Variants in NCKAP5 observed in about 807,000 individuals in gnomAD.
NCKAP5 encodes NCK associated protein 5, also known as nck-associated protein 5.
NCKAP5 carries 92 observed loss-of-function variants against 167.0 expected under a neutral mutation model. The ratio of observed to expected loss-of-function variants is 0.55; its 90% CI spans 0.47 to 0.66. The LOEUF is 0.66. Ranked by LOEUF, NCKAP5 falls within the 30% of genes least tolerant of loss-of-function variation. NCKAP5 has a pLI of 0.00. For missense variants in NCKAP5, 2,378 were observed against 2,315.0 expected (o/e 1.03, Z -0.56); for synonymous variants, 891 against 877.4 (o/e 1.02, Z -0.27).
At chr2:132,753,453 A>G (rs1680281330) in intron 16 of NCKAP5, among the ~76,000 whole-genome samples, 1 of 152,216 alleles carries the variant, frequency 6.6e-6, no homozygotes, top group African/African-American at 2.4e-5. Flanking sequence ...ACAATTCTAA[A>G]TCCATTTCCC....
At chr2:133,173,267 A>G (rs1410393770) in intron 5 of NCKAP5, among the ~76,000 whole-genome samples, 2 of 152,170 alleles carry the variant, frequency 1.3e-5, no homozygotes, top group Non-Finnish European at 2.9e-5. Flanking sequence ...AAAGAGGTAG[A>G]TTTCAACTCT....
intron 3 of NCKAP5, among the ~76,000 whole-genome samples, chr2:133,359,328 C>T (rs1684942595): frequency 6.6e-6 from 1 of 152,220 alleles, no homozygotes; most frequent in Non-Finnish European, 1.5e-5. Flanking sequence ...ACCTACCCCA[C>T]ATCCGTCTTA....
chr2:132,852,068 C>T (rs925404304), intron 11 of NCKAP5, among the ~76,000 whole-genome samples: 2 of 152,166 alleles, frequency 1.3e-5, no homozygotes, highest in African/African-American at 4.8e-5. Context: ...ATCACCATTC[C>T]TTTCTCAGTA....
At chr2:132,848,432 A>G (rs1310176962) in intron 11 of NCKAP5, among the ~76,000 whole-genome samples, 1 of 152,198 alleles carries the variant, frequency 6.6e-6, no homozygotes. Context: ...CGTTAATTCA[A>G]GGATCTCAAT....
At chr2:133,386,305 A>T (rs1686960722) in intron 3 of NCKAP5, among the ~76,000 whole-genome samples, 1 of 152,136 alleles carries the variant, frequency 6.6e-6, no homozygotes, top group Non-Finnish European at 1.5e-5. Flanking sequence ...TTCATTACGT[A>T]CCCAGTAATT....
At chr2:132,822,642 A>G (rs1686833111) in intron 11 of NCKAP5, among the ~76,000 whole-genome samples, 1 of 152,186 alleles carries the variant, frequency 6.6e-6, no homozygotes. Context: ...TAATATGACA[A>G]AACAGGGTTC....
At chr2:132,964,016 T>C in intron 7 of NCKAP5, 147 bp from the exon 8 acceptor site, 1 of 909,808 alleles carries the variant, frequency 1.1e-6, no homozygotes, top group Non-Finnish European at 1.7e-6. Flanking sequence ...GGGGTTTATT[T>C]TAAAAAATGA....
chr2:133,196,220 G>A (rs2085430731), intron 5 of NCKAP5, among the ~76,000 whole-genome samples: 1 of 152,158 alleles, frequency 6.6e-6, no homozygotes, highest in Non-Finnish European at 1.5e-5. Flanking sequence ...GTGAGAGAAA[G>A]AAGAACTTCT....
chr2:132,897,775 C>T (rs1232115450), intron 8 of NCKAP5, among the ~76,000 whole-genome samples: 1 of 152,172 alleles, frequency 6.6e-6, no homozygotes, highest in East Asian at 1.9e-4. Flanking sequence ...TATGCAACAG[C>T]CTTATGTCCA....
chr2:132,772,272 T>C (rs992567491), intron 16 of NCKAP5, among the ~76,000 whole-genome samples: 4 of 152,162 alleles, frequency 2.6e-5, no homozygotes, highest in African/African-American at 9.6e-5. Flanking sequence ...CCCATGACTG[T>C]ACAGAAGACA....
chr2:132,787,763 T>G (rs1190783851), intron 13 of NCKAP5, among the ~76,000 whole-genome samples: 1 of 152,116 alleles, frequency 6.6e-6, no homozygotes, highest in Non-Finnish European at 1.5e-5. Context: ...TGAATCTGGG[T>G]ATTATAGCTC....
intron 3 of NCKAP5, among the ~76,000 whole-genome samples, chr2:133,451,491 G>A (rs1392712809): frequency 6.6e-6 from 1 of 152,154 alleles, no homozygotes; most frequent in African/African-American, 2.4e-5. Context: ...AATCTTGTCT[G>A]TCTTCTAACA....
chr2:133,467,378 T>A (rs1692682357), intron 3 of NCKAP5, among the ~76,000 whole-genome samples: 1 of 152,220 alleles, frequency 6.6e-6, no homozygotes, highest in South Asian at 2.1e-4. Context: ...TCATGGTGGA[T>A]AAGCTTTTTG....
chr2:133,181,383 T>A (rs1221504133), intron 5 of NCKAP5, among the ~76,000 whole-genome samples: 3 of 151,636 alleles, frequency 2.0e-5, no homozygotes, highest in Non-Finnish European at 4.4e-5. Context: ...CATGTTTACA[T>A]GCAAGGAAAA....
rs567379041 is a variant in NCKAP5 at position 133,045,223 on chromosome 2, A to G, written c.342-50984T>C. ...ATGCACAGCACAGAAAAAATGTGCT[A>G]TCTCCATAAACTTCACACACAGGGT... On this transcript the variant is annotated intron_variant, in intron 6 of 19. Coordinates refer to ENST00000409261, the MANE Select transcript of NCKAP5 (RefSeq NM_207363.3). Among the ~76,000 whole-genome samples the G allele has an allele frequency of 1.6e-4, 25 of 152,266 alleles. No homozygotes were observed. In the Middle Eastern group the frequency reaches 0.014, roughly 83 times the overall value.
intron 2 of NCKAP5, among the ~76,000 whole-genome samples, chr2:133,556,368 A>G (rs1380959622): frequency 6.6e-6 from 1 of 152,206 alleles, no homozygotes; most frequent in Non-Finnish European, 1.5e-5. Flanking sequence ...GATCCTAGCC[A>G]CCTACTTATA....
intron 5 of NCKAP5, among the ~76,000 whole-genome samples, chr2:133,200,203 T>C (rs936578590): frequency 1.3e-5 from 2 of 151,896 alleles, no homozygotes; most frequent in Non-Finnish European, 2.9e-5. Context: ...ATTCTAAAGT[T>C]TACTATAGTA....
At chr2:133,132,850 G>A (rs2082659183) in intron 5 of NCKAP5, among the ~76,000 whole-genome samples, 1 of 151,756 alleles carries the variant, frequency 6.6e-6, no homozygotes, top group Admixed American at 6.6e-5. Context: ...CTAATTTTTT[G>A]TATTTTTAGT....
chr2:133,526,878 C>A (rs947594898), intron 2 of NCKAP5, among the ~76,000 whole-genome samples: 2 of 152,078 alleles, frequency 1.3e-5, no homozygotes, highest in Admixed American at 6.6e-5. Context: ...GTACACATAA[C>A]CCCAGTGGAT....
Sources: gnomAD v4.1 joint callset for allele counts (sites outside exome capture counted in the v4.1 genomes callset) on GRCh38, gnomAD v4.1.1 for gene constraint, MANE v1.5 for transcripts, NCBI Gene and HGNC (gene_info 2026-07-23, HGNC 2026-07-21) for gene names.